ALAS2: variants seen among roughly 807,000 people sequenced by gnomAD.
ALAS2 encodes the protein 5'-aminolevulinate synthase 2, also known as 5-aminolevulinate synthase, erythroid-specific, mitochondrial.
A neutral mutation model predicts 33.7 loss-of-function variants in ALAS2; 3 were observed. That is an observed-to-expected ratio of 0.09 (90% confidence interval 0.04 to 0.23). ALAS2 has a LOEUF of 0.23. Among genes scored for constraint, ALAS2 ranks in the 10% least tolerant of loss-of-function variants. The pLI, the probability that ALAS2 is intolerant of heterozygous loss-of-function variation, is 1.00. For missense variants in ALAS2, 304 were observed against 475.1 expected (o/e 0.64, Z 3.35); for synonymous variants, 191 against 177.3 (o/e 1.08, Z -0.61).
At chrX:55,028,409 A>G (rs1234769465) in intron 1 of ALAS2, among the ~76,000 whole-genome samples, 1 of 111,216 alleles carries the variant, frequency 9.0e-6, no homozygotes, top group African/African-American at 3.3e-5. Context: ...CTCCCCTAAC[A>G]TCAATACTGG....
intron 2 of ALAS2, among the ~76,000 whole-genome samples, 162 bp from the exon 3 acceptor site, chrX:55,025,002 T>C (rs1447963056): frequency 9.0e-6 from 1 of 111,492 alleles, no homozygotes; most frequent in African/African-American, 3.3e-5. Context: ...GCTACTAAAC[T>C]GGTGGGAATG....
chrX:55,028,712 G>A lies in ALAS2; in HGVS notation c.-16+2230C>T, dbSNP rs751995876. On this transcript the variant is annotated intron_variant, in intron 1 of 10. Coordinates refer to ENST00000650242, the MANE Select transcript of ALAS2 (RefSeq NM_000032.5). ...CCTGAAATTTGCTCTGCCTCACTCT[G>A]CCTGGCCATCATTATACCCATGACC... 1.8e-5 allele frequency among the ~76,000 whole-genome samples: 2 copies of A among 111,641 alleles called. 1 individual carries two copies. The highest frequency in any genetic ancestry group is 7.5e-4 in the South Asian group (2 of 2,655).
In ALAS2 at chrX:55,013,537, G is replaced by A. The variant is rs1569547781; in HGVS notation, c.1549C>T (p.Arg517Cys). ...CTGTGGTGGGGGGAGGGTGCCAAGC[G>A]CAGGAGCTCTTCACCCCGGGGGACA... ...PTVPRGEELL[R>C]LAPSPHHSPQ... is the part of the protein sequence containing the mutation. The change falls in exon 10 of 11, where the codon CGC (arginine) becomes TGC (cysteine). Residue 517 changes from arginine to cysteine, a missense_variant. Arg to Cys is a radical substitution (Grantham distance 180, BLOSUM62 -3). Coordinates refer to ENST00000650242, the MANE Select transcript of ALAS2 (RefSeq NM_000032.5). The A allele has an allele frequency of 2.5e-6, 3 of 1,211,412 alleles. No individual in the cohort carries two copies. Among genetic ancestry groups the A allele is most frequent in the Admixed American group, 4.3e-5 (2 of 46,029 alleles).
chrX:55,020,036 G>T (rs1468137898), intron 6 of ALAS2, among the ~76,000 whole-genome samples: 1 of 111,710 alleles, frequency 9.0e-6, no homozygotes, highest in African/African-American at 3.3e-5. Context: ...AAATAACTAT[G>T]TATGTGTGTT....
intron 4 of ALAS2, 29 bp downstream of exon 4, chrX:55,023,728 C>G: frequency 6.1e-6 from 7 of 1,147,187 alleles, no homozygotes; most frequent in Non-Finnish European, 8.3e-6. Flanking sequence ...CTATTCCGGT[C>G]CCCTTTTTTT....
chrX:55,010,458 C>T (rs1457361516), intron 10 of ALAS2, among the ~76,000 whole-genome samples: 1 of 111,358 alleles, frequency 9.0e-6, no homozygotes, highest in Non-Finnish European at 1.9e-5. Flanking sequence ...CCCACATTGC[C>T]TCTATGTACT....
At chrX:55,018,138 A>G (rs764671765) in intron 6 of ALAS2, among the ~76,000 whole-genome samples, 1 of 111,693 alleles carries the variant, frequency 9.0e-6, no homozygotes, top group Non-Finnish European at 1.9e-5. Flanking sequence ...TCAGGCTTTT[A>G]CTGTTGGAAT....
chrX:55,030,547 G>C (rs1935978513), intron 1 of ALAS2, among the ~76,000 whole-genome samples: 1 of 111,266 alleles, frequency 9.0e-6, no homozygotes, highest in African/African-American at 3.3e-5. Flanking sequence ...GTTCTTGATA[G>C]AGAGGAAGAG....
chrX:55,021,075 G>A lies in ALAS2; in HGVS notation c.615C>T (p.His205=), dbSNP rs1935796706. Residue 205 remains histidine, a synonymous_variant, in exon 5 of 11, where the codon CAC becomes CAT. Transcript: ENST00000650242. ...CSNDYLGMSR[H]PQVLQATQET... ...ACTGTGTGGCTTGCAAGACCTGAGGGTGTCGGCTCATGCCCAGGTAATCAT... is the reference window on the plus strand; with the variant it reads ...ACTGTGTGGCTTGCAAGACCTGAGGATGTCGGCTCATGCCCAGGTAATCAT... The A allele has an allele frequency of 8.3e-7, 1 of 1,211,086 alleles. No individual in the cohort carries two copies. Among genetic ancestry groups the A allele is most frequent in the South Asian group, 1.8e-5 (1 of 56,967 alleles).
In ALAS2 at chrX:55,029,960, C is replaced by G. The variant is rs756708369; in HGVS notation, c.-16+982G>C. On this transcript the variant is annotated intron_variant, in intron 1 of 10. Coordinates refer to ENST00000650242, the MANE Select transcript of ALAS2 (RefSeq NM_000032.5). ...CAGCATTCCTTGTCCCCCACCCCCC[C>G]ACCCCTTTTGTGGCCTGCTTTGCAA... Among the ~76,000 whole-genome samples, 307 of 94,623 alleles carry G rather than the reference C, an allele frequency of 3.2e-3. 2 individuals carry two copies. The highest frequency in any genetic ancestry group is 0.011 in the African/African-American group (278 of 26,203). 82.2% of individuals were successfully genotyped at this position (94,623 alleles called of 115,157 possible).
At chrX:55,018,363 A>G (rs1156292907) in intron 6 of ALAS2, among the ~76,000 whole-genome samples, 1 of 111,489 alleles carries the variant, frequency 9.0e-6, no homozygotes, top group African/African-American at 3.3e-5. Flanking sequence ...CACTGCCATC[A>G]AGGAACTGTG....
chrX:55,028,050 A>G (rs1935921463), intron 1 of ALAS2, among the ~76,000 whole-genome samples: 1 of 111,664 alleles, frequency 9.0e-6, no homozygotes, highest in Admixed American at 9.5e-5. Context: ...CTTGGCCTTC[A>G]TCAGCTGTCA....
intron 6 of ALAS2, among the ~76,000 whole-genome samples, chrX:55,019,881 G>C (rs942344843): frequency 3.6e-5 from 4 of 111,870 alleles, no homozygotes; most frequent in African/African-American, 1.3e-4. Context: ...CGTAGGTTTG[G>C]TGGCAATAAA....
At chrX:55,027,737 C>T (rs771473884) in intron 1 of ALAS2, 1 of 1,209,613 alleles carries the variant, frequency 8.3e-7, no homozygotes, top group East Asian at 3.0e-5. Context: ...ATAGAACAAG[C>T]ACCCTCCCCG....
rs1602244633 is a variant in ALAS2 at position 55,013,586 on chromosome X, A to G, written c.1500T>C (p.Tyr500=). The change falls in exon 10 of 11, where the codon TAT becomes TAC. Residue 500 remains tyrosine, a synonymous_variant. Coordinates refer to ENST00000650242, the MANE Select transcript of ALAS2 (RefSeq NM_000032.5). ...CDLLLSKHGI[Y]VQAINYPTVP... is the part of the protein sequence containing the mutation. The stretch of plus-strand genomic sequence containing the variant: ...CAGTTGGGTAGTTGATGGCCTGCAC[A>G]TAGATGCCATGCTTGGAGAGCAGGA... 9 of 1,209,543 alleles carry G rather than the reference A, an allele frequency of 7.4e-6. No homozygotes were observed. The highest frequency in any genetic ancestry group is 2.3e-4 in the Middle Eastern group (1 of 4,354).
At position 55,025,965 on chromosome X, in the gene ALAS2, T is replaced by G; in HGVS notation, c.36A>C (p.Pro12=). The change falls in exon 2 of 11, where the codon CCA becomes CCC. Residue 12 remains proline (P), a synonymous_variant. Coordinates refer to ENST00000650242, the MANE Select transcript of ALAS2 (RefSeq NM_000032.5). ...VTAAMLLQCC[P]VLARGPTSLL... is the part of the protein sequence containing the mutation. ...GGCTTGTGGGGCCCCGGGCAAGCAC[T>G]GGGCAGCACTGTAGCAGCATGGCTG... 1 of 1,211,184 alleles carries G rather than the reference T, an allele frequency of 8.3e-7. No individual in the cohort carries two copies. The highest frequency in any genetic ancestry group is 1.1e-6 in the Non-Finnish European group (1 of 895,296).
At position 55,009,219 on chromosome X, in the gene ALAS2, G is replaced by A. The variant is rs1189487849; in HGVS notation, c.1725C>T (p.Phe575=). 7 of 1,206,025 alleles carry A rather than the reference G, an allele frequency of 5.8e-6. No homozygotes were observed. The highest frequency in any genetic ancestry group is 5.3e-5 in the African/African-American group (3 of 56,857). The stretch of plus-strand genomic sequence containing the variant: ...TGACATACTGGGGCCCCATGTTCCC[G>A]AAGTAGGAACGTTCCCACTCACTCA... ...ELMSEWERSY[F]GNMGPQYVTT... Residue 575 remains phenylalanine, a synonymous_variant, in exon 11 of 11, where the codon TTC becomes TTT. Coordinates refer to ENST00000650242, the MANE Select transcript of ALAS2 (RefSeq NM_000032.5).
intron 10 of ALAS2, among the ~76,000 whole-genome samples, chrX:55,010,921 A>C (rs1935591230): frequency 8.9e-6 from 1 of 111,976 alleles, no homozygotes; most frequent in Non-Finnish European, 1.9e-5. Flanking sequence ...GTTGGTACTC[A>C]ATAAATATTT....
intron 10 of ALAS2, among the ~76,000 whole-genome samples, chrX:55,009,888 G>A (rs1018530731): frequency 9.0e-6 from 1 of 111,235 alleles, no homozygotes; most frequent in African/African-American, 3.3e-5. Flanking sequence ...TCTATATGCT[G>A]ATGGTTCAGA....
Sources: allele counts gnomAD v4.1 joint callset (sites outside exome capture counted in the v4.1 genomes callset), GRCh38; gene constraint gnomAD v4.1.1; transcripts MANE v1.5; gene names NCBI Gene and HGNC (gene_info 2026-07-23, HGNC 2026-07-21).